ZNF100: variants seen among roughly 807,000 people sequenced by gnomAD.
ZNF100 encodes zinc finger protein 100 (Y1).
ZNF100 carries 12 observed loss-of-function variants against 15.8 expected under a neutral mutation model. The observed-to-expected ratio is 0.76, with a 90% CI of 0.49 to 1.23. ZNF100 has a LOEUF of 1.23. Ranked by LOEUF, ZNF100 falls within the 50% of genes most tolerant of loss-of-function variation. ZNF100 has a pLI of 0.00. For synonymous variants in ZNF100, 226 were observed against 214.8 expected (o/e 1.05, Z -0.45); for missense variants, 670 against 635.6 (o/e 1.05, Z -0.58).
intron 2 of ZNF100, chr19:21,752,284 A>G (rs1236367353): frequency 2.6e-5 from 4 of 152,488 alleles, no homozygotes; most frequent in African/African-American, 9.7e-5. Context: ...TATAACTTTT[A>G]TGTTTCTTCC....
At chr19:21,742,065 G>A (rs1301402550) in intron 4 of ZNF100, among the ~76,000 whole-genome samples, 2 of 152,058 alleles carry the variant, frequency 1.3e-5, no homozygotes, top group African/African-American at 4.8e-5. Context: ...GGAGGCTGAG[G>A]CAGAGCGATC....
chr19:21,767,361 C>G, intron 1 of ZNF100, 66 bp downstream of exon 1: 1 of 1,609,824 alleles, frequency 6.2e-7, no homozygotes, highest in Non-Finnish European at 8.5e-7. Context: ...CCCGCCACAG[C>G]TACTTCCCAC....
rs34358433 is a variant in ZNF100 at position 21,725,996 on chromosome 19, GCA to G, written c.*685_*686del. On this transcript the variant is annotated 3_prime_UTR_variant, in exon 5 of 5. Transcript: ENST00000358296. ...GTATTTTTCCAACTTTATTACATTC[GCA>G]CAGTTTTTTTCAATATAAATTCCCT... The G allele has an allele frequency of 0.75, 113,844 of 151,816 alleles. 44,177 individuals carry two copies. The highest frequency in any genetic ancestry group is 0.85 in the Non-Finnish European group (57,637 of 67,906). 9.4% of individuals were successfully genotyped at this position (151,816 alleles called of 1,614,324 possible).
At chr19:21,729,762 GAA>G (rs1421700408) in intron 4 of ZNF100, among the ~76,000 whole-genome samples, 2 of 151,768 alleles carry the variant, frequency 1.3e-5, no homozygotes, top group African/African-American at 2.4e-5. Flanking sequence ...ATTTGAAAGT[GAA>G]AATCAGAGAA....
chr19:21,749,277 T>A (rs749684624), intron 2 of ZNF100, among the ~76,000 whole-genome samples: 3 of 150,194 alleles, frequency 2.0e-5, no homozygotes, highest in Non-Finnish European at 4.4e-5. Flanking sequence ...TTATCTCTTG[T>A]ATGAGTATGA....
chr19:21,744,667 G>T (rs1051591897), intron 3 of ZNF100, among the ~76,000 whole-genome samples: 1 of 151,998 alleles, frequency 6.6e-6, no homozygotes, highest in Non-Finnish European at 1.5e-5. Context: ...ACCATGCCCG[G>T]CCTAAAAACA....
chr19:21,734,684 AT>A (rs2035978448), intron 4 of ZNF100, among the ~76,000 whole-genome samples: 1 of 152,172 alleles, frequency 6.6e-6, no homozygotes. Flanking sequence ...ACAGGCCATC[AT>A]TCAAATTCAG....
At chr19:21,733,765 C>T (rs2035962790) in intron 4 of ZNF100, among the ~76,000 whole-genome samples, 1 of 44,928 alleles carries the variant, frequency 2.2e-5, no homozygotes, top group African/African-American at 4.8e-5. Context: ...GTGAGGACCA[C>T]CCCACCAACA....
chr19:21,726,644 G>A lies in ZNF100; in HGVS notation c.*39C>T, dbSNP rs2035791375. Reference sequence around the variant, plus strand: ...TCCAGTATGAATTTTTTTATGTTTAGTAAGAGTTGAGGACTGGTAAAAGGC... The same window carrying A: ...TCCAGTATGAATTTTTTTATGTTTAATAAGAGTTGAGGACTGGTAAAAGGC... On this transcript the variant is annotated 3_prime_UTR_variant, in exon 5 of 5. Coordinates refer to ENST00000358296, the MANE Select transcript of ZNF100 (RefSeq NM_173531.4). The A allele has an allele frequency of 6.5e-7, 1 of 1,548,774 alleles. No homozygotes were observed. The highest frequency in any genetic ancestry group is 8.7e-7 in the Non-Finnish European group (1 of 1,147,232).
chr19:21,757,369 C>G (rs757129480), intron 2 of ZNF100, among the ~76,000 whole-genome samples: 3 of 152,188 alleles, frequency 2.0e-5, no homozygotes, highest in Non-Finnish European at 4.4e-5. Flanking sequence ...ACCCATGAAG[C>G]AGAGGTTGCA....
intron 2 of ZNF100, chr19:21,751,172 A>G: frequency 1.5e-6 from 2 of 1,329,336 alleles, no homozygotes; most frequent in Non-Finnish European, 2.2e-6. Context: ...CACTTAAATC[A>G]TCTATCTCCA....
chr19:21,766,344 C>T (rs2036560823), intron 1 of ZNF100, among the ~76,000 whole-genome samples: 1 of 151,524 alleles, frequency 6.6e-6, no homozygotes, highest in South Asian at 2.1e-4. Context: ...AAAATCAGTT[C>T]CCCGTGGAGT....
intron 2 of ZNF100, among the ~76,000 whole-genome samples, chr19:21,757,260 A>C (rs2036406202): frequency 6.6e-6 from 1 of 152,246 alleles, no homozygotes. Flanking sequence ...CAATACTGCA[A>C]AACTTCATCT....
At chr19:21,752,892 T>G (rs2036332827) in intron 2 of ZNF100, 1 of 152,186 alleles carries the variant, frequency 6.6e-6, no homozygotes, top group Non-Finnish European at 1.5e-5. Flanking sequence ...ATGGTGGCTG[T>G]TCACCAGTGC....
At chr19:21,752,591 T>C (rs1218172954) in intron 2 of ZNF100, 2 of 152,614 alleles carry the variant, frequency 1.3e-5, no homozygotes, top group African/African-American at 4.8e-5. Context: ...TCTACTTCTA[T>C]TGGGGTCCAT....
At chr19:21,752,272 C>A (rs12975386) in intron 2 of ZNF100, 13,217 of 152,624 alleles carry the variant, frequency 0.087, 740 homozygotes, top group South Asian at 0.18. Flanking sequence ...AGACATTAAC[C>A]ATATAACTTT....
At chr19:21,767,300 C>T (rs2036580762) in intron 1 of ZNF100, 127 bp downstream of exon 1, 1 of 1,533,002 alleles carries the variant, frequency 6.5e-7, no homozygotes, top group Non-Finnish European at 8.9e-7. Context: ...GGGACGGAGG[C>T]CGAGCTGGGC....
At chr19:21,761,136 T>C (rs957923618) in intron 2 of ZNF100, among the ~76,000 whole-genome samples, 2 of 152,190 alleles carry the variant, frequency 1.3e-5, no homozygotes, top group African/African-American at 4.8e-5. Flanking sequence ...CTGAGTGGAC[T>C]GAACTAATAG....
At chr19:21,765,141 T>C (rs1599412575) in intron 2 of ZNF100, among the ~76,000 whole-genome samples, 1 of 152,248 alleles carries the variant, frequency 6.6e-6, no homozygotes, top group African/African-American at 2.4e-5. Flanking sequence ...ACCTCTTTCA[T>C]GACCTTTGTA....
Sources: gnomAD v4.1 joint callset for allele counts (sites outside exome capture counted in the v4.1 genomes callset) on GRCh38, gnomAD v4.1.1 for gene constraint, MANE v1.5 for transcripts, NCBI Gene and HGNC (gene_info 2026-07-23, HGNC 2026-07-21) for gene names.